Variants in CAST observed in about 807,000 individuals in gnomAD.
CAST encodes MIR583 host.
Under a neutral mutation model 119.6 loss-of-function variants are expected in CAST, and 76 were observed. The observed-to-expected ratio is 0.64, with a 90% CI of 0.53 to 0.77. The LOEUF is 0.77. Ranked by LOEUF, CAST falls within the 30% of genes least tolerant of loss-of-function variation. The pLI is 0.00. For missense variants in CAST, 953 were observed against 946.5 expected, an observed-to-expected ratio of 1.01 and a Z score of -0.09; for synonymous variants, 319 against 331.6, an observed-to-expected ratio of 0.96 and a Z score of 0.41.
At chr5:96,219,821 A>G in the CAST span, among the ~76,000 whole-genome samples, 1 of 152,088 alleles carries the variant, frequency 6.6e-6, no homozygotes, top group African/African-American at 2.4e-5. Context: ...AAGAAAAGGA[A>G]AAGAAAGAGA....
intron 1 of CAST, among the ~76,000 whole-genome samples, chr5:96,654,295 G>C (rs550065371): frequency 1.3e-5 from 2 of 152,106 alleles, no homozygotes; most frequent in African/African-American, 4.8e-5. Flanking sequence ...AAAGTGCTGG[G>C]ATTACAGATG....
intron 2 of CAST, among the ~76,000 whole-genome samples, chr5:96,681,682 G>C (rs1171197732): frequency 1.4e-5 from 2 of 140,358 alleles, no homozygotes; most frequent in African/African-American, 2.7e-5. Context: ...GCAGTGAGCC[G>C]AGATCCCGCC....
chr5:96,713,393 A>C (rs1756583674), intron 3 of CAST, among the ~76,000 whole-genome samples: 1 of 152,014 alleles, frequency 6.6e-6, no homozygotes, highest in Non-Finnish European at 1.5e-5. Context: ...AGCCTCCCGA[A>C]GTGCTGGGAT....
At chr5:96,556,397 A>G (rs974451204) in intron 1 of CAST, among the ~76,000 whole-genome samples, 14 of 152,242 alleles carry the variant, frequency 9.2e-5, no homozygotes, top group African/African-American at 3.1e-4. Context: ...AGGCTTCAGA[A>G]GATCAAACTA....
the CAST span, among the ~76,000 whole-genome samples, chr5:96,169,496 T>C: frequency 4.6e-5 from 7 of 152,152 alleles, no homozygotes; most frequent in African/African-American, 1.7e-4. Context: ...CTGAACTAAC[T>C]TGTAAGACTT....
intron 29 of CAST, 66 bp downstream of exon 29, chr5:96,768,065 T>C: frequency 2.0e-6 from 2 of 1,012,866 alleles, no homozygotes; most frequent in Non-Finnish European, 3.1e-6. Flanking sequence ...TACATATAAG[T>C]TTTATTTATT....
the CAST span, among the ~76,000 whole-genome samples, chr5:96,441,462 G>A: frequency 2.0e-5 from 3 of 151,858 alleles, no homozygotes; most frequent in Admixed American, 6.6e-5. Context: ...GTTTATCCAC[G>A]GCTCACAGGG....
chr5:96,607,037 C>G (rs1747270533), intron 1 of CAST, among the ~76,000 whole-genome samples: 1 of 152,166 alleles, frequency 6.6e-6, no homozygotes, highest in South Asian at 2.1e-4. Flanking sequence ...GCCTGTAATC[C>G]CAGCACTTTG....
At chr5:95,989,848 C>G in the CAST span, among the ~76,000 whole-genome samples, 10 of 152,064 alleles carry the variant, frequency 6.6e-5, no homozygotes, top group Non-Finnish European at 2.9e-5. Flanking sequence ...ACAGAAAGTC[C>G]TGATTTACAA....
intron 1 of CAST, among the ~76,000 whole-genome samples, chr5:96,558,456 A>G (rs1469457798): frequency 1.3e-5 from 2 of 152,110 alleles, no homozygotes; most frequent in Non-Finnish European, 2.9e-5. Context: ...TTGAGAGACC[A>G]CTAGCAAGAC....
the CAST span, among the ~76,000 whole-genome samples, chr5:96,514,544 C>A: frequency 6.6e-6 from 1 of 152,098 alleles, no homozygotes; most frequent in African/African-American, 2.4e-5. Context: ...TGTAGTTGAT[C>A]AAAACTATAC....
chr5:96,394,640 A>T, the CAST span, among the ~76,000 whole-genome samples: 1 of 152,244 alleles, frequency 6.6e-6, no homozygotes, highest in African/African-American at 2.4e-5. Flanking sequence ...TAGGAAATTT[A>T]ATACTTTTGA....
the CAST span, among the ~76,000 whole-genome samples, chr5:96,031,035 A>G: frequency 6.6e-6 from 1 of 152,126 alleles, no homozygotes; most frequent in African/African-American, 2.4e-5. Context: ...ATTAAGCCCA[A>G]ATGAGTGTAC....
chr5:96,069,516 C>A, the CAST span, among the ~76,000 whole-genome samples: 2 of 151,776 alleles, frequency 1.3e-5, no homozygotes, highest in Admixed American at 6.6e-5. Context: ...CAGGGTCTTG[C>A]TCTGTCACCC....
chr5:96,200,577 C>CT, the CAST span, among the ~76,000 whole-genome samples: 1 of 152,080 alleles, frequency 6.6e-6, no homozygotes, highest in Non-Finnish European at 1.5e-5. Flanking sequence ...CTCTAAGGTA[C>CT]TTTTTAGATA....
At chr5:96,767,859 T>A in intron 28 of CAST, 48 bp from the exon 29 acceptor site, 4 of 1,199,102 alleles carry the variant, frequency 3.3e-6, no homozygotes, top group Non-Finnish European at 5.0e-6. Flanking sequence ...CCATATTGCA[T>A]TTTGCCTTCT....
chr5:96,519,028 T>TC, the CAST span, among the ~76,000 whole-genome samples: 1 of 152,144 alleles, frequency 6.6e-6, no homozygotes, highest in South Asian at 2.1e-4. Context: ...GCCACAGCCC[T>TC]CCAGCCTGGG....
intron 19 of CAST, among the ~76,000 whole-genome samples, chr5:96,750,223 T>C (rs1014684962): frequency 3.9e-5 from 6 of 152,206 alleles, no homozygotes; most frequent in Non-Finnish European, 7.3e-5. Flanking sequence ...ATTGCTCAAA[T>C]GTATTGAGCT....
At chr5:96,430,675 T>C in the CAST span, among the ~76,000 whole-genome samples, 2 of 152,230 alleles carry the variant, frequency 1.3e-5, no homozygotes, top group Non-Finnish European at 2.9e-5. Flanking sequence ...AGGAACGTGC[T>C]ATCAGCCTTC....
Sources: gnomAD v4.1 joint callset for allele counts (sites outside exome capture counted in the v4.1 genomes callset) on GRCh38, gnomAD v4.1.1 for gene constraint, MANE v1.5 for transcripts, NCBI Gene and HGNC (gene_info 2026-07-23, HGNC 2026-07-21) for gene names.